The following XKR9 variants were observed in gnomAD, a reference collection of about 807,000 sequenced individuals.
The protein encoded by XKR9 is XK related 9.
In XKR9, 32 loss-of-function variants were observed where a neutral mutation model predicts 32.0. The ratio of observed to expected loss-of-function variants is 1.00; its 90% confidence interval spans 0.76 to 1.34. The LOEUF (loss-of-function observed/expected upper bound fraction) is 1.34. XKR9 is among the 40% of genes most tolerant of loss of function. XKR9 has a pLI of 0.00. For synonymous variants in XKR9, 168 were observed against 143.4 expected (o/e 1.17, Z -1.22); for missense variants, 546 against 429.7 (o/e 1.27, Z -2.39).
the XKR9 span, among the ~76,000 whole-genome samples, chr8:70,835,873 A>T: frequency 6.6e-6 from 1 of 152,104 alleles, no homozygotes; most frequent in Non-Finnish European, 1.5e-5. Flanking sequence ...GATCTCAAAC[A>T]TTCTTTCACT....
the XKR9 span, among the ~76,000 whole-genome samples, chr8:71,017,983 G>A: frequency 6.6e-6 from 1 of 152,214 alleles, no homozygotes; most frequent in African/African-American, 2.4e-5. Context: ...GAAGTTGGTA[G>A]TATCTGTAAC....
At chr8:70,720,530 G>A (rs1488198025) in intron 4 of XKR9, among the ~76,000 whole-genome samples, 1 of 152,124 alleles carries the variant, frequency 6.6e-6, no homozygotes, top group East Asian at 1.9e-4. Flanking sequence ...TTGTATTGAA[G>A]GCCTTTTCTG....
At chr8:70,935,054 T>A in the XKR9 span, among the ~76,000 whole-genome samples, 1 of 150,386 alleles carries the variant, frequency 6.6e-6, no homozygotes, top group Admixed American at 6.7e-5. Flanking sequence ...CCTCTCAAGG[T>A]TAATAACTTG....
At chr8:70,796,371 G>T in the XKR9 span, among the ~76,000 whole-genome samples, 4 of 151,894 alleles carry the variant, frequency 2.6e-5, no homozygotes, top group Non-Finnish European at 5.9e-5. Context: ...CTTTACAATT[G>T]TTCATTGTTT....
At chr8:70,951,987 A>C in the XKR9 span, among the ~76,000 whole-genome samples, 3 of 152,194 alleles carry the variant, frequency 2.0e-5, no homozygotes, top group Non-Finnish European at 4.4e-5. Context: ...CAATGTCTTA[A>C]AGACTTTCAA....
At chr8:70,736,131 T>G (rs1260328499), downstream of XKR9, among the ~76,000 whole-genome samples, 1 of 151,840 alleles carries the variant, frequency 6.6e-6, no homozygotes, top group Non-Finnish European at 1.5e-5. Flanking sequence ...ACCTGTTGTT[T>G]CCTGACTTTT....
At chr8:70,931,139 A>C in the XKR9 span, among the ~76,000 whole-genome samples, 35 of 137,134 alleles carry the variant, frequency 2.6e-4, no homozygotes, top group East Asian at 8.6e-3. Flanking sequence ...AATCTGTTTC[A>C]AGCTTAAGTA....
the XKR9 span, among the ~76,000 whole-genome samples, chr8:70,835,509 C>T: frequency 1.3e-5 from 2 of 151,802 alleles, no homozygotes; most frequent in Non-Finnish European, 2.9e-5. Context: ...ATTGAATGAA[C>T]GAATGAATAA....
At chr8:70,880,904 T>C in the XKR9 span, among the ~76,000 whole-genome samples, 1 of 152,172 alleles carries the variant, frequency 6.6e-6, no homozygotes, top group Non-Finnish European at 1.5e-5. Context: ...AACAGCATGG[T>C]ACTGGTACCA....
chr8:70,783,942 C>T (rs747846278), intron 2 of XKR9, among the ~76,000 whole-genome samples: 1 of 152,138 alleles, frequency 6.6e-6, no homozygotes, highest in Non-Finnish European at 1.5e-5. Flanking sequence ...TTTCCCGACA[C>T]CATTTATTGA....
the XKR9 span, among the ~76,000 whole-genome samples, chr8:70,830,560 C>T: frequency 6.6e-6 from 1 of 152,078 alleles, no homozygotes; most frequent in Non-Finnish European, 1.5e-5. Flanking sequence ...GCCTTCCAGC[C>T]TGGGCGACAG....
chr8:70,885,892 G>A, the XKR9 span, among the ~76,000 whole-genome samples: 15 of 151,474 alleles, frequency 9.9e-5, no homozygotes, highest in East Asian at 2.0e-4. Context: ...CATTGCGCCC[G>A]GACTTTTTTT....
At chr8:70,741,520 C>G (rs1290636543) in intron 2 of XKR9, among the ~76,000 whole-genome samples, 1 of 152,174 alleles carries the variant, frequency 6.6e-6, no homozygotes, top group East Asian at 1.9e-4. Flanking sequence ...TGGCTTAGTT[C>G]GTTGAGCATA....
chr8:70,685,892 TAAAA>T (rs1291253723), intron 3 of XKR9, among the ~76,000 whole-genome samples: 1 of 150,030 alleles, frequency 6.7e-6, no homozygotes, highest in African/African-American at 2.4e-5. Flanking sequence ...AATAATAAAA[TAAAA>T]AAAATTATAT....
At chr8:70,837,803 G>T in the XKR9 span, among the ~76,000 whole-genome samples, 3 of 152,012 alleles carry the variant, frequency 2.0e-5, no homozygotes, top group Admixed American at 2.0e-4. Flanking sequence ...TGGAAAATGT[G>T]CATTCCTTCT....
the XKR9 span, among the ~76,000 whole-genome samples, chr8:70,982,823 C>T: frequency 6.6e-6 from 1 of 152,330 alleles, no homozygotes; most frequent in African/African-American, 2.4e-5. Flanking sequence ...TGCCTCCTAT[C>T]TGCCATCTTA....
chr8:70,916,592 A>G, the XKR9 span, among the ~76,000 whole-genome samples: 3 of 152,196 alleles, frequency 2.0e-5, no homozygotes, highest in Non-Finnish European at 4.4e-5. Context: ...AAGTCCTTCA[A>G]CTTTGTTTTT....
chr8:70,970,446 C>A, the XKR9 span, among the ~76,000 whole-genome samples: 2 of 152,058 alleles, frequency 1.3e-5, no homozygotes, highest in Non-Finnish European at 2.9e-5. Context: ...TTAGGTATTT[C>A]TCCTGATGTT....
At chr8:70,807,525 C>T in the XKR9 span, among the ~76,000 whole-genome samples, 1 of 152,090 alleles carries the variant, frequency 6.6e-6, no homozygotes, top group Non-Finnish European at 1.5e-5. Flanking sequence ...GCCCATCTCA[C>T]ATGCAAAGAC....
Sources: allele counts gnomAD v4.1 joint callset (sites outside exome capture counted in the v4.1 genomes callset), GRCh38; gene constraint gnomAD v4.1.1; transcripts MANE v1.5; gene names NCBI Gene and HGNC (gene_info 2026-07-23, HGNC 2026-07-21).